Variants in NSUN2 observed in about 807,000 individuals in gnomAD.
NSUN2 encodes RNA cytosine C(5)-methyltransferase NSUN2.
NSUN2 carries 63 observed loss-of-function variants against 92.7 expected under a neutral mutation model. The ratio of observed to expected loss-of-function variants is 0.68; its 90% confidence interval spans 0.56 to 0.84. The LOEUF (loss-of-function observed/expected upper bound fraction) is 0.84, where lower values mean the gene tolerates loss of function less well. Among genes scored for constraint, NSUN2 ranks in the 40% least tolerant of loss-of-function variants. The pLI is 0.00. For missense variants in NSUN2, 989 were observed against 964.9 expected (o/e 1.02, Z -0.33); for synonymous variants, 356 against 348.3 (o/e 1.02, Z -0.25).
rs146016434 is a variant in NSUN2 at position 6,632,749 on chromosome 5, T to C, written c.104A>G (p.Glu35Gly). Residue 35 changes from glutamate to glycine, a missense_variant, in exon 2 of 19, where the codon GAA becomes GGA. Glu to Gly is a moderately conservative substitution (Grantham distance 98). Transcript: ENST00000264670. Reference protein sequence around the residue: ...GGGKRGEAGWEGGYPEIVKEN... With the variant: ...GGGKRGEAGWGGGYPEIVKEN... ...CTTGACGATCTCGGGGTAGCCTCCT[T>C]CCCAGCCCTGAGGAAGGAAAGAGAC... is the stretch of plus-strand genomic sequence containing the variant. The C allele has an allele frequency of 1.2e-6, 2 of 1,613,512 alleles. No homozygotes were observed. Among genetic ancestry groups the C allele is most frequent in the Non-Finnish European group, 1.7e-6 (2 of 1,179,770 alleles).
At chr5:6,602,327 G>T (rs902465940) in intron 18 of NSUN2, 134 bp downstream of exon 18, 18 of 836,364 alleles carry the variant, frequency 2.2e-5, no homozygotes, top group Non-Finnish European at 3.4e-5. Flanking sequence ...GTTTTCACAA[G>T]GCTACTTCTG....
intron 18 of NSUN2, among the ~76,000 whole-genome samples, chr5:6,601,859 T>G (rs1736569431): frequency 6.6e-6 from 1 of 152,184 alleles, no homozygotes; most frequent in Non-Finnish European, 1.5e-5. Context: ...ATCCGAATTC[T>G]GCCACTCGTG....
At chr5:6,631,480 T>C (rs1737890187) in intron 3 of NSUN2, among the ~76,000 whole-genome samples, 3 of 152,162 alleles carry the variant, frequency 2.0e-5, no homozygotes, top group Non-Finnish European at 2.9e-5. Context: ...CTGTCTGTAA[T>C]GGAAAACACT....
At chr5:6,608,975 C>A (rs3776437) in intron 12 of NSUN2, among the ~76,000 whole-genome samples, 71,073 of 152,086 alleles carry the variant, frequency 0.47, 17,335 homozygotes, top group Non-Finnish European at 0.55. Flanking sequence ...ACAGAAAAAC[C>A]CTGGTGGCGG....
intron 17 of NSUN2, among the ~76,000 whole-genome samples, chr5:6,603,434 G>C (rs953124973): frequency 6.6e-6 from 1 of 152,262 alleles, no homozygotes; most frequent in East Asian, 1.9e-4. Context: ...GCCCACGCCT[G>C]TAATCCCAGC....
intron 4 of NSUN2, among the ~76,000 whole-genome samples, chr5:6,624,464 A>C (rs1366187721): frequency 1.3e-5 from 2 of 152,142 alleles, no homozygotes; most frequent in Non-Finnish European, 2.9e-5. Context: ...TCCATCTTCC[A>C]AACATGCCAA....
At chr5:6,624,084 G>C (rs1224677352) in intron 4 of NSUN2, among the ~76,000 whole-genome samples, 2 of 152,186 alleles carry the variant, frequency 1.3e-5, no homozygotes, top group Non-Finnish European at 2.9e-5. Flanking sequence ...TGACTGTCAA[G>C]AGCCTTAAAT....
chr5:6,618,843 G>GT (rs1230852233), intron 7 of NSUN2, among the ~76,000 whole-genome samples: 1 of 152,134 alleles, frequency 6.6e-6, no homozygotes. Flanking sequence ...GGTAACGCCT[G>GT]TTTTTGTTGG....
rs1288844019 is a variant in NSUN2 at position 6,616,805 on chromosome 5, T to C, written c.943A>G (p.Arg315Gly). The change falls in exon 9 of 19, where the codon AGG becomes GGG. Residue 315 changes from arginine to glycine, a missense_variant. Around this residue, in one of 3 missense-constraint regions of NSUN2, gnomAD observed 626 missense variants for 602.3 expected, o/e 1.04. Transcript: ENST00000264670. Reference sequence around the variant, plus strand: ...AGTGAACACGTGGAATACACCATCCTTCCACCTTCAGCCAGCTGTTCAGCC... The same window carrying C: ...AGTGAACACGTGGAATACACCATCCCTCCACCTTCAGCCAGCTGTTCAGCC... ...RGAEQLAEGG[R>G]MVYSTCSLNP... 1.2e-6 allele frequency: 2 copies of C among 1,613,966 alleles called. No individual in the cohort carries two copies. The highest frequency in any genetic ancestry group is 2.7e-5 in the African/African-American group (2 of 74,934).
chr5:6,616,442 T>C (rs937207610), intron 9 of NSUN2, among the ~76,000 whole-genome samples: 11 of 152,168 alleles, frequency 7.2e-5, no homozygotes, highest in African/African-American at 2.7e-4. Flanking sequence ...CTGTGAGGTC[T>C]AGAGTAGTCA....
chr5:6,629,969 A>T (rs1737810154), intron 3 of NSUN2, among the ~76,000 whole-genome samples: 1 of 152,206 alleles, frequency 6.6e-6, no homozygotes, highest in Non-Finnish European at 1.5e-5. Flanking sequence ...CTTTATCTAT[A>T]CATTACTCAG....
At chr5:6,631,072 C>T (rs1429515533) in intron 3 of NSUN2, among the ~76,000 whole-genome samples, 2 of 152,124 alleles carry the variant, frequency 1.3e-5, no homozygotes, top group Non-Finnish European at 1.5e-5. Context: ...CCAGCCTGGG[C>T]GACAGAGTGA....
At chr5:6,611,246 C>G (rs1448797558) in intron 10 of NSUN2, among the ~76,000 whole-genome samples, 161 bp from the exon 11 acceptor site, 1 of 152,084 alleles carries the variant, frequency 6.6e-6, no homozygotes, top group Non-Finnish European at 1.5e-5. Flanking sequence ...ACAATCTTTA[C>G]AGAAAATCCC....
chr5:6,604,106 A>C, intron 17 of NSUN2, 32 bp downstream of exon 17: 1 of 1,600,046 alleles, frequency 6.2e-7, no homozygotes, highest in Non-Finnish European at 8.5e-7. Flanking sequence ...AGGGAATACA[A>C]GTTATGTCTC....
chr5:6,611,972 T>C (rs193150189), intron 9 of NSUN2, among the ~76,000 whole-genome samples, 174 bp from the exon 10 acceptor site: 1 of 151,778 alleles, frequency 6.6e-6, no homozygotes, highest in Admixed American at 6.6e-5. Context: ...GGTGGATGAG[T>C]GGCCGATGGG....
At chr5:6,621,407 A>G (rs1201950581) in intron 6 of NSUN2, 1 of 152,066 alleles carries the variant, frequency 6.6e-6, no homozygotes, top group African/African-American at 2.4e-5. Context: ...ATTGTTACTA[A>G]AAATTCAAAC....
In NSUN2 at chr5:6,611,820, G is replaced by A. The variant is rs190163924; in HGVS notation, c.1022-22C>T. On this transcript the variant is annotated intron_variant, in intron 9 of 18. Transcript: ENST00000264670. Reference sequence around the variant, plus strand: ...GCACCTGTGCAGCAAAAGCATGGACGTCTTTTGTTTTTCAAAAAAGTATTA... The same window carrying A: ...GCACCTGTGCAGCAAAAGCATGGACATCTTTTGTTTTTCAAAAAAGTATTA... The A allele has an allele frequency of 1.3e-3, 2,061 of 1,609,840 alleles. 18 individuals carry two copies. The highest frequency in any genetic ancestry group is 5.6e-4 in the Non-Finnish European group (656 of 1,176,366).
intron 3 of NSUN2, among the ~76,000 whole-genome samples, chr5:6,626,294 T>C (rs1737651118): frequency 6.6e-6 from 1 of 152,156 alleles, no homozygotes; most frequent in Non-Finnish European, 1.5e-5. Context: ...ATATTTGAAC[T>C]TTCTATAAAT....
chr5:6,607,391 T>G lies in NSUN2; in HGVS notation c.1324-7A>C, dbSNP rs1444123937. 1.2e-6 allele frequency: 2 copies of G among 1,602,950 alleles called. No homozygotes were observed. The highest frequency in any genetic ancestry group is 4.5e-5 in the East Asian group (2 of 44,690). On this transcript the variant is annotated splice_polypyrimidine_tract_variant and splice_region_variant and intron_variant, in intron 12 of 18. Coordinates refer to ENST00000264670, the MANE Select transcript of NSUN2 (RefSeq NM_017755.6). ...CTGCAGATTTACCCTGAAGCTGTCA[T>G]AAAGAACAATTTCATTGACACACAA...
Sources: allele counts gnomAD v4.1 joint callset (sites outside exome capture counted in the v4.1 genomes callset), GRCh38; gene constraint gnomAD v4.1.1; regional missense constraint gnomAD v4.1.1; transcripts MANE v1.5; gene names NCBI Gene and HGNC (gene_info 2026-07-23, HGNC 2026-07-21).